Variants in PCSK5 observed in about 807,000 individuals in gnomAD.
PCSK5 encodes prohormone convertase 5.
PCSK5 carries 129 observed loss-of-function variants against 233.2 expected under a neutral mutation model. That is an observed-to-expected ratio of 0.55 (90% CI 0.48 to 0.64). The LOEUF is 0.64. Ranked by LOEUF, PCSK5 falls within the 30% of genes least tolerant of loss-of-function variation. The pLI, the probability that PCSK5 is intolerant of heterozygous loss-of-function variation, is 0.00. For synonymous variants in PCSK5, 825 were observed against 879.2 expected, an observed-to-expected ratio of 0.94 and a Z score of 1.09; for missense variants, 2,076 against 2,430.1, an observed-to-expected ratio of 0.85 and a Z score of 3.06.
chr9:75,936,704 A>G (rs1037745144), intron 2 of PCSK5, among the ~76,000 whole-genome samples: 1 of 152,172 alleles, frequency 6.6e-6, no homozygotes, highest in African/African-American at 2.4e-5. Flanking sequence ...AAAGTCATCC[A>G]TGAGGGTTGG....
At chr9:75,931,416 G>A (rs557409125) in intron 1 of PCSK5, among the ~76,000 whole-genome samples, 1 of 152,206 alleles carries the variant, frequency 6.6e-6, no homozygotes, top group South Asian at 2.1e-4. Context: ...ATGGAATCTG[G>A]GCGCTGCAGT....
chr9:76,123,876 T>C (rs543819259), intron 9 of PCSK5, among the ~76,000 whole-genome samples: 20 of 152,306 alleles, frequency 1.3e-4, no homozygotes, highest in Middle Eastern at 3.4e-3. Context: ...GTTCAACTGT[T>C]TTATTATCTT....
intron 2 of PCSK5, among the ~76,000 whole-genome samples, chr9:75,943,531 A>G (rs1479702158): frequency 6.6e-6 from 1 of 152,138 alleles, no homozygotes; most frequent in Non-Finnish European, 1.5e-5. Context: ...TTTGTTAATT[A>G]AATGCTTGCA....
intron 1 of PCSK5, 70 bp from the exon 2 acceptor site, chr9:75,932,309 G>A (rs1823844428): frequency 1.1e-6 from 1 of 937,792 alleles, no homozygotes; most frequent in Non-Finnish European, 1.7e-6. Flanking sequence ...TGAAAAACAG[G>A]AAAACAGAAG....
chr9:76,326,889 T>C (rs1829377167), intron 32 of PCSK5, among the ~76,000 whole-genome samples: 2 of 152,048 alleles, frequency 1.3e-5, no homozygotes, highest in African/African-American at 4.8e-5. Context: ...ATGTCTTAGA[T>C]TTCATTGAGA....
At position 76,157,450 on chromosome 9, in the gene PCSK5, G is replaced by A. The variant is rs990133355; in HGVS notation, c.1430+288G>A. Among the ~76,000 whole-genome samples, 3 of 152,086 alleles carry A rather than the reference G, an allele frequency of 2.0e-5. No individual in the cohort carries two copies. The East Asian group carries it at 5.8e-4, about 29-fold the overall frequency. Reference sequence around the variant, plus strand: ...ACTGTCGATATTTCTATTTGATGGTGCAAGTATTCTCCAGAAGTCAGTGTA... The same window carrying A: ...ACTGTCGATATTTCTATTTGATGGTACAAGTATTCTCCAGAAGTCAGTGTA... On this transcript the variant is annotated intron_variant, in intron 11 of 37. Transcript: ENST00000674117.
At chr9:75,916,411 C>T (rs1564079671) in intron 1 of PCSK5, among the ~76,000 whole-genome samples, 1 of 152,104 alleles carries the variant, frequency 6.6e-6, no homozygotes, top group Non-Finnish European at 1.5e-5. Flanking sequence ...ACCACTCTAT[C>T]CCACCCACTG....
intron 2 of PCSK5, among the ~76,000 whole-genome samples, chr9:75,964,958 C>A (rs141559133): frequency 1.3e-5 from 2 of 152,086 alleles, no homozygotes; most frequent in African/African-American, 4.8e-5. Context: ...AGGATTAGAC[C>A]GTGAAATGGT....
rs369781600 is a variant in PCSK5, at chr9:76,179,480, T to TA, written c.1901-113dup. 5.0e-4 allele frequency: 328 copies of TA among 660,992 alleles called. 5 individuals are homozygous for TA. The African/African-American group carries it at 5.6e-3, about 11-fold the overall frequency. 40.9% of individuals were successfully genotyped at this position (660,992 alleles called of 1,614,324 possible). ...CACATTGACAATTATTCCTCTGTCT[T>TA]AAAGAAACTCTCTGCATAAGAAAAA... is the stretch of plus-strand genomic sequence containing the variant. On this transcript the variant is annotated intron_variant, in intron 14 of 37. Transcript: ENST00000674117.
intron 24 of PCSK5, among the ~76,000 whole-genome samples, chr9:76,271,030 T>C (rs935786743): frequency 6.6e-6 from 1 of 152,076 alleles, no homozygotes; most frequent in Non-Finnish European, 1.5e-5. Flanking sequence ...CTTCCACCCA[T>C]ATCCCCAGAT....
chr9:75,932,361 C>G lies in PCSK5; in HGVS notation c.193-18C>G. 6.9e-7 allele frequency: 1 copy of G among 1,442,984 alleles called. No homozygotes were observed. Among genetic ancestry groups the G allele is most frequent in the Admixed American group, 1.8e-5 (1 of 56,856 alleles). The allele number at this position is 1,442,984 out of a possible 1,614,324, so 89.4% of individuals were successfully genotyped here. On this transcript the variant is annotated intron_variant, in intron 1 of 37. Transcript: ENST00000674117. ...AATGTCTTTTTTTTGTTCTTTCCTT[C>G]CCACCCTTCCTTTGCAGATAGGGGC...
At chr9:76,337,600 AG>A (rs1194307969) in intron 34 of PCSK5, among the ~76,000 whole-genome samples, 2 of 152,148 alleles carry the variant, frequency 1.3e-5, no homozygotes, top group Non-Finnish European at 2.9e-5. Flanking sequence ...CAGCCTCCCA[AG>A]TAGCTGGGAT....
At position 75,925,680 on chromosome 9, in the gene PCSK5, G is replaced by A. The variant is rs144937229; in HGVS notation, c.193-6699G>A. On this transcript the variant is annotated intron_variant, in intron 1 of 37. Transcript: ENST00000674117. ...GTGAGTCCTGGAGATTTCTGGAGGA[G>A]CATTTCAGGCAGAAGGAAGGAGGTG... is the stretch of plus-strand genomic sequence containing the variant. 1.2e-3 allele frequency among the ~76,000 whole-genome samples: 188 copies of A among 152,304 alleles called. 2 individuals are homozygous for A. The highest frequency in any genetic ancestry group is 6.8e-3 in the Middle Eastern group (2 of 294).
chr9:75,983,745 T>C (rs765808412), intron 2 of PCSK5, among the ~76,000 whole-genome samples: 3 of 152,206 alleles, frequency 2.0e-5, no homozygotes, highest in Admixed American at 6.5e-5. Context: ...TTTAAGTGTC[T>C]TTTCTTTGCA....
At chr9:76,200,519 G>C (rs1382749755) in intron 20 of PCSK5, among the ~76,000 whole-genome samples, 1 of 152,168 alleles carries the variant, frequency 6.6e-6, no homozygotes, top group African/African-American at 2.4e-5. Context: ...TGCTTCATCT[G>C]TCTTGTTCAC....
chr9:76,115,685 T>A (rs1832396797), intron 9 of PCSK5, among the ~76,000 whole-genome samples: 1 of 152,136 alleles, frequency 6.6e-6, no homozygotes, highest in South Asian at 2.1e-4. Context: ...TAGTTTCACA[T>A]CATAGCCTGC....
intron 7 of PCSK5, among the ~76,000 whole-genome samples, chr9:76,091,312 T>TGA (rs71992221): frequency 4.0e-4 from 60 of 150,136 alleles, no homozygotes; most frequent in African/African-American, 9.5e-4. Flanking sequence ...GCCTACAATC[T>TGA]GAGAGAGAGA....
intron 1 of PCSK5, among the ~76,000 whole-genome samples, chr9:75,901,291 A>G (rs1056595668): frequency 3.9e-5 from 6 of 152,250 alleles, no homozygotes; most frequent in Non-Finnish European, 8.8e-5. Flanking sequence ...CTATGCAGCC[A>G]TAAAGAAGAA....
intron 34 of PCSK5, among the ~76,000 whole-genome samples, chr9:76,336,248 C>G (rs1829674939): frequency 6.6e-6 from 1 of 152,114 alleles, no homozygotes; most frequent in Admixed American, 6.6e-5. Flanking sequence ...CTAAACAGAC[C>G]AAGCCTCAAC....
Sources: gnomAD v4.1 joint callset for allele counts (sites outside exome capture counted in the v4.1 genomes callset) on GRCh38, gnomAD v4.1.1 for gene constraint, MANE v1.5 for transcripts, NCBI Gene and HGNC (gene_info 2026-07-23, HGNC 2026-07-21) for gene names.